The following VSNL1 variants were observed in gnomAD, a reference collection of about 807,000 sequenced individuals.
VSNL1 encodes visinin-like protein 1.
VSNL1 carries 6 observed loss-of-function variants against 20.4 expected under a neutral mutation model. The ratio of observed to expected loss-of-function variants is 0.29; its 90% CI spans 0.16 to 0.58. VSNL1 has a LOEUF of 0.58. VSNL1 is among the 20% of genes least tolerant of loss of function. The pLI is 0.90. For synonymous variants in VSNL1, 93 were observed against 86.4 expected (o/e 1.08, Z -0.42); for missense variants, 100 against 234.5 (o/e 0.43, Z 3.75).
chr2:17,555,558 A>G (rs987064650), intron 1 of VSNL1, among the ~76,000 whole-genome samples: 3 of 152,184 alleles, frequency 2.0e-5, no homozygotes, highest in African/African-American at 7.2e-5. Flanking sequence ...ACGTAGACTC[A>G]GGGCCTCATT....
At chr2:17,548,027 C>T (rs1381320061) in intron 1 of VSNL1, among the ~76,000 whole-genome samples, 1 of 152,122 alleles carries the variant, frequency 6.6e-6, no homozygotes, top group African/African-American at 2.4e-5. Context: ...ACTCTCCCCA[C>T]ACCTCCTCTA....
At chr2:17,611,335 C>A (rs982683516) in intron 2 of VSNL1, among the ~76,000 whole-genome samples, 1 of 152,208 alleles carries the variant, frequency 6.6e-6, no homozygotes, top group Non-Finnish European at 1.5e-5. Flanking sequence ...AGCTCTGACT[C>A]TTGCTGTGTG....
intron 2 of VSNL1, among the ~76,000 whole-genome samples, chr2:17,639,262 T>C (rs1665829603): frequency 6.6e-6 from 1 of 152,146 alleles, no homozygotes; most frequent in African/African-American, 2.4e-5. Context: ...GGTTTGACGG[T>C]AATAAAAGGA....
chr2:17,577,299 T>G (rs1463797375), intron 1 of VSNL1, among the ~76,000 whole-genome samples: 1 of 152,250 alleles, frequency 6.6e-6, no homozygotes, highest in Non-Finnish European at 1.5e-5. Flanking sequence ...TGATAGTTTT[T>G]GTATTGAACT....
intron 1 of VSNL1, among the ~76,000 whole-genome samples, chr2:17,560,211 T>C (rs13395720): frequency 3.3e-5 from 3 of 90,880 alleles, no homozygotes; most frequent in Non-Finnish European, 5.0e-5. Flanking sequence ...TATATATACA[T>C]ATATATATAA....
chr2:17,548,481 A>G (rs1185349352), intron 1 of VSNL1, among the ~76,000 whole-genome samples: 1 of 152,134 alleles, frequency 6.6e-6, no homozygotes, highest in Non-Finnish European at 1.5e-5. Flanking sequence ...TTATTGTTCT[A>G]ATTAATCTTT....
intron 1 of VSNL1, among the ~76,000 whole-genome samples, chr2:17,554,763 A>G (rs1157256575): frequency 6.6e-6 from 1 of 152,176 alleles, no homozygotes; most frequent in Non-Finnish European, 1.5e-5. Context: ...TTGGAAAACA[A>G]AACAGAAAAA....
chr2:17,639,627 G>T (rs1450385214), intron 2 of VSNL1, among the ~76,000 whole-genome samples: 1 of 151,956 alleles, frequency 6.6e-6, no homozygotes, highest in East Asian at 1.9e-4. Flanking sequence ...CGTATTATTG[G>T]CTCATACACA....
intron 1 of VSNL1, among the ~76,000 whole-genome samples, chr2:17,542,802 G>T (rs1021238922): frequency 6.6e-6 from 1 of 152,168 alleles, no homozygotes; most frequent in Non-Finnish European, 1.5e-5. Flanking sequence ...GCTTGGTCTT[G>T]GAGTCCCTGG....
intron 1 of VSNL1, among the ~76,000 whole-genome samples, chr2:17,575,995 T>C (rs1664204604): frequency 1.3e-5 from 2 of 152,230 alleles, no homozygotes; most frequent in Non-Finnish European, 2.9e-5. Context: ...AATAAATTTT[T>C]TTGCATATTA....
intron 1 of VSNL1, among the ~76,000 whole-genome samples, chr2:17,544,835 T>C (rs114490779): frequency 0.011 from 1,610 of 152,298 alleles, 20 homozygotes; most frequent in African/African-American, 0.035. Flanking sequence ...AATATAAACA[T>C]TAATTTTCCT....
At chr2:17,578,797 A>G (rs1250748279) in intron 1 of VSNL1, among the ~76,000 whole-genome samples, 1 of 152,256 alleles carries the variant, frequency 6.6e-6, no homozygotes, top group Non-Finnish European at 1.5e-5. Flanking sequence ...GATACTTCAC[A>G]AAGGCCCAGC....
intron 1 of VSNL1, among the ~76,000 whole-genome samples, chr2:17,575,129 A>C (rs12623000): frequency 6.6e-6 from 1 of 152,044 alleles, no homozygotes; most frequent in Non-Finnish European, 1.5e-5. Flanking sequence ...TGCCCAGCCT[A>C]TTAAACTTTT....
chr2:17,624,555 T>A (rs1665461349), intron 2 of VSNL1, among the ~76,000 whole-genome samples: 1 of 152,148 alleles, frequency 6.6e-6, no homozygotes, highest in Non-Finnish European at 1.5e-5. Context: ...CAAGCGTCCT[T>A]AAAGTGAAAG....
At chr2:17,580,088 T>A (rs755328532) in intron 1 of VSNL1, among the ~76,000 whole-genome samples, 1 of 152,138 alleles carries the variant, frequency 6.6e-6, no homozygotes, top group Non-Finnish European at 1.5e-5. Flanking sequence ...AATGCCAAGG[T>A]TTATGTAAGA....
intron 1 of VSNL1, among the ~76,000 whole-genome samples, chr2:17,556,724 G>A (rs62131466): frequency 2.6e-5 from 4 of 152,124 alleles, no homozygotes; most frequent in Non-Finnish European, 5.9e-5. Context: ...CATTTCTTGT[G>A]TAGTTCACCA....
intron 2 of VSNL1, among the ~76,000 whole-genome samples, chr2:17,597,419 G>C (rs781584744): frequency 5.9e-5 from 9 of 152,108 alleles, no homozygotes; most frequent in Non-Finnish European, 1.2e-4. Flanking sequence ...AGTACCCAAG[G>C]GTTGTTCTAT....
At chr2:17,641,682 G>A (rs1225522996) in intron 2 of VSNL1, among the ~76,000 whole-genome samples, 1 of 152,184 alleles carries the variant, frequency 6.6e-6, no homozygotes, top group Non-Finnish European at 1.5e-5. Context: ...CATTTCCAAT[G>A]GAGATAGAAA....
chr2:17,652,400 A>T lies in VSNL1; in HGVS notation c.378+2775A>T, dbSNP rs187269708. 8.1e-4 allele frequency among the ~76,000 whole-genome samples: 123 copies of T among 152,352 alleles called. 1 individual carries two copies. The highest frequency in any genetic ancestry group is 3.7e-3 in the Admixed American group (56 of 15,302). The stretch of plus-strand genomic sequence containing the variant: ...GCAATCATGTCAAATGCTATTGATA[A>T]AAGAAGTAAAAGGAGAAAAGTAATC... On this transcript the variant is annotated intron_variant, in intron 3 of 3. Transcript: ENST00000295156.
Sources: allele counts gnomAD v4.1 joint callset (sites outside exome capture counted in the v4.1 genomes callset), GRCh38; gene constraint gnomAD v4.1.1; transcripts MANE v1.5; gene names NCBI Gene and HGNC (gene_info 2026-07-23, HGNC 2026-07-21).